UBE2J1: variants seen among roughly 807,000 people sequenced by gnomAD.
The protein encoded by UBE2J1 is ubiquitin-conjugating enzyme E2 J1.
In UBE2J1, 17 loss-of-function variants were observed where a neutral mutation model predicts 42.1. The ratio of observed to expected loss-of-function variants is 0.40; its 90% confidence interval spans 0.28 to 0.61. UBE2J1 has a LOEUF of 0.61. Ranked by LOEUF, UBE2J1 falls within the 20% of genes least tolerant of loss-of-function variation. UBE2J1 has a pLI of 0.38. For missense variants in UBE2J1, 291 were observed against 389.4 expected, an observed-to-expected ratio of 0.75 and a Z score of 2.13; for synonymous variants, 127 against 137.2, an observed-to-expected ratio of 0.93 and a Z score of 0.52.
At chr6:89,352,458 C>T (rs372905139) in intron 1 of UBE2J1, 81 bp downstream of exon 1, 2 of 1,442,770 alleles carry the variant, frequency 1.4e-6, no homozygotes, top group Non-Finnish European at 1.9e-6. Flanking sequence ...TGGCGCCAGA[C>T]GCGAGGGGAC....
chr6:89,337,598 T>C (rs1174855472), intron 5 of UBE2J1, among the ~76,000 whole-genome samples: 3 of 151,944 alleles, frequency 2.0e-5, no homozygotes, highest in Non-Finnish European at 2.9e-5. Context: ...CATCAAAAAT[T>C]AGGTATCAGC....
At position 89,329,357 on chromosome 6, in the gene UBE2J1, C is replaced by T; in HGVS notation, c.*322G>A. 3.3e-6 allele frequency: 1 copy of T among 304,562 alleles called. No individual in the cohort carries two copies. The highest frequency in any genetic ancestry group is 3.4e-5 in the South Asian group (1 of 29,792). 18.9% of individuals were successfully genotyped at this position (304,562 alleles called of 1,614,324 possible). A position where few individuals can be genotyped will look rare whatever the true frequency, so the allele number is the denominator to read the frequency against. On this transcript the variant is annotated 3_prime_UTR_variant, in exon 8 of 8. Transcript: ENST00000435041. The stretch of plus-strand genomic sequence containing the variant: ...GGAACTTAAAACATCATCTTTTATC[C>T]AAAAATTTCAAAGGGCAATATAGGA...
rs923406997 is a variant in UBE2J1 at position 89,328,515 on chromosome 6, C to T, written c.*1164G>A. 6.6e-6 allele frequency: 1 copy of T among 152,180 alleles called. No homozygotes were observed. Among genetic ancestry groups the T allele is most frequent in the African/African-American group, 2.4e-5 (1 of 41,438 alleles). 9.4% of individuals were successfully genotyped at this position (152,180 alleles called of 1,614,324 possible). A position where few individuals can be genotyped will look rare whatever the true frequency, so the allele number is the denominator to read the frequency against. On this transcript the variant is annotated 3_prime_UTR_variant, in exon 8 of 8. Transcript: ENST00000435041. Reference sequence around the variant, plus strand: ...AAATTAAATCTTCATTAACAACACCCTCAAGAGTGCCCTCAGTGCTGCGAA... The same window carrying T: ...AAATTAAATCTTCATTAACAACACCTTCAAGAGTGCCCTCAGTGCTGCGAA...
intron 1 of UBE2J1, among the ~76,000 whole-genome samples, chr6:89,346,207 A>G (rs2127872381): frequency 6.6e-6 from 1 of 152,154 alleles, no homozygotes; most frequent in East Asian, 1.9e-4. Context: ...CTACTTCACA[A>G]TTATTAATAT....
rs1768149208 is a variant in UBE2J1, at chr6:89,338,286, A to G, written c.347T>C (p.Ile116Thr). 3 of 1,613,606 alleles carry G rather than the reference A, an allele frequency of 1.9e-6. No individual in the cohort carries two copies. Among genetic ancestry groups the G allele is most frequent in the East Asian group, 2.2e-5 (1 of 44,848 alleles). ...WSIRTALLAI[I>T]GFMPTKGEGA... ...CTCTCCTTTTGTTGGCATAAACCCA[A>G]TGATGGCTAATAATGCTGTCCTTAC... Residue 116 changes from isoleucine (I) to threonine (T), a missense_variant, in exon 5 of 8, where the codon ATT (isoleucine) becomes ACT (threonine). Physicochemically the swap from Ile to Thr is moderately conservative, Grantham distance 89. This residue lies in a region of UBE2J1 where 115 missense variants were observed against 193.1 expected (regional missense o/e 0.60). Coordinates refer to ENST00000435041, the MANE Select transcript of UBE2J1 (RefSeq NM_016021.3).
At chr6:89,346,132 C>T (rs1390361996) in intron 1 of UBE2J1, among the ~76,000 whole-genome samples, 1 of 152,074 alleles carries the variant, frequency 6.6e-6, no homozygotes, top group African/African-American at 2.4e-5. Flanking sequence ...CTACCTCAGC[C>T]TTCCAAAGTG....
chr6:89,340,639 C>T (rs1768226312), intron 3 of UBE2J1, among the ~76,000 whole-genome samples: 1 of 152,200 alleles, frequency 6.6e-6, no homozygotes, highest in Non-Finnish European at 1.5e-5. Context: ...GTAACCCACC[C>T]ATAGTGTAAT....
intron 1 of UBE2J1, among the ~76,000 whole-genome samples, chr6:89,346,264 T>C (rs1437903892): frequency 6.6e-6 from 1 of 152,182 alleles, no homozygotes; most frequent in Admixed American, 6.5e-5. Context: ...TGCAGAGACT[T>C]TGTTCACTGG....
chr6:89,338,873 G>A (rs1003046512), intron 3 of UBE2J1, among the ~76,000 whole-genome samples: 11 of 151,818 alleles, frequency 7.2e-5, no homozygotes, highest in African/African-American at 2.4e-4. Flanking sequence ...CACCGTGTTA[G>A]CCAGGATGGT....
In UBE2J1 at chr6:89,329,795, G is replaced by T; in HGVS notation, c.841C>A (p.His281Asn). The part of the protein sequence containing the change: ...VIQGHQPRDN[H>N]TDHGGSAVLI... ...ACAGCTGACCCACCATGATCAGTGT[G>T]GTTGTCTCTTGGCTGGTGGCCCTGG... Residue 281 changes from histidine to asparagine, a missense_variant, in exon 8 of 8, where the codon CAC (histidine) becomes AAC (asparagine). By Grantham distance (68) the His-to-Asn change is moderately conservative. This residue lies in a region of UBE2J1 where 176 missense variants were observed against 196.3 expected (regional missense o/e 0.90). Coordinates refer to ENST00000435041, the MANE Select transcript of UBE2J1 (RefSeq NM_016021.3). 6.2e-7 allele frequency: 1 copy of T among 1,614,088 alleles called. No homozygotes were observed.
intron 7 of UBE2J1, among the ~76,000 whole-genome samples, chr6:89,330,247 G>A (rs1469782191): frequency 6.6e-6 from 1 of 152,112 alleles, no homozygotes; most frequent in Non-Finnish European, 1.5e-5. Flanking sequence ...TACGCTTAAT[G>A]AAAATATGTA....
intron 3 of UBE2J1, among the ~76,000 whole-genome samples, chr6:89,341,910 G>GGT (rs1356661692): frequency 5.3e-5 from 8 of 152,186 alleles, no homozygotes; most frequent in Admixed American, 5.2e-4. Context: ...AACTCAATGA[G>GGT]GTAGGTATCA....
At chr6:89,337,295 T>G (rs970447716) in intron 5 of UBE2J1, among the ~76,000 whole-genome samples, 1 of 149,444 alleles carries the variant, frequency 6.7e-6, no homozygotes, top group African/African-American at 2.5e-5. Context: ...AAAACCAACG[T>G]AGTAAATCGA....
At chr6:89,333,056 T>C (rs1213947602) in intron 7 of UBE2J1, 30 bp downstream of exon 7, 6 of 1,564,450 alleles carry the variant, frequency 3.8e-6, no homozygotes, top group African/African-American at 1.4e-5. Flanking sequence ...GATAGAGACA[T>C]ACATATATAT....
intron 3 of UBE2J1, among the ~76,000 whole-genome samples, chr6:89,339,442 A>G: frequency 3.1e-5 from 2 of 63,994 alleles, no homozygotes; most frequent in African/African-American, 7.0e-5. Flanking sequence ...AGAAAAGAAA[A>G]AAAAAGAGGA....
intron 7 of UBE2J1, among the ~76,000 whole-genome samples, chr6:89,331,587 G>A (rs780615897): frequency 2.0e-5 from 3 of 152,238 alleles, no homozygotes; most frequent in Non-Finnish European, 4.4e-5. Flanking sequence ...TGGGGATACA[G>A]TGGAGAAGCG....
intron 6 of UBE2J1, 85 bp from the exon 7 acceptor site, chr6:89,333,290 T>C: frequency 2.1e-6 from 3 of 1,426,612 alleles, no homozygotes; most frequent in Non-Finnish European, 2.8e-6. Flanking sequence ...AAATCCTCTC[T>C]GTTGGATTTA....
At chr6:89,350,368 T>TGC (rs1768450009) in intron 1 of UBE2J1, among the ~76,000 whole-genome samples, 1 of 152,206 alleles carries the variant, frequency 6.6e-6, no homozygotes, top group African/African-American at 2.4e-5. Context: ...TGTGTGTGTG[T>TGC]GCACCCTGCC....
chr6:89,352,712 G>A lies in UBE2J1; in HGVS notation c.-143C>T. 1 of 932,592 alleles carries A rather than the reference G, an allele frequency of 1.1e-6. No individual in the cohort carries two copies. The highest frequency in any genetic ancestry group is 1.5e-6 in the Non-Finnish European group (1 of 680,970). 57.8% of individuals were successfully genotyped at this position (932,592 alleles called of 1,614,324 possible). On this transcript the variant is annotated 5_prime_UTR_variant, in exon 1 of 8. Coordinates refer to ENST00000435041, the MANE Select transcript of UBE2J1 (RefSeq NM_016021.3). The stretch of plus-strand genomic sequence containing the variant: ...AATGCCGCCCAGTCCAGCCTGGACT[G>A]CGGGCGGGGTGGCAAGGCTGAGTGC...
Sources: gnomAD v4.1 joint callset for allele counts (sites outside exome capture counted in the v4.1 genomes callset) on GRCh38, gnomAD v4.1.1 for gene constraint, gnomAD v4.1.1 regional missense constraint, MANE v1.5 for transcripts, NCBI Gene and HGNC (gene_info 2026-07-23, HGNC 2026-07-21) for gene names.